The following RARB variants were observed in gnomAD, a reference collection of about 807,000 sequenced individuals.
The protein encoded by RARB is retinoic acid receptor beta, also known as HBV-activated protein.
In RARB, 17 loss-of-function variants were observed where a neutral mutation model predicts 51.9. That is an observed-to-expected ratio of 0.33 (90% CI 0.22 to 0.49). The LOEUF (loss-of-function observed/expected upper bound fraction) is 0.49. RARB is among the 20% of genes least tolerant of loss of function. RARB has a pLI of 0.99. For missense variants in RARB, 369 were observed against 550.8 expected (o/e 0.67, Z 3.30); for synonymous variants, 215 against 195.4 (o/e 1.10, Z -0.84).
chr3:24,991,598 T>A (rs1696912997), intron 2 of RARB, among the ~76,000 whole-genome samples: 2 of 152,188 alleles, frequency 1.3e-5, no homozygotes, highest in Admixed American at 1.3e-4. Context: ...GTAGTTAGTT[T>A]TCCTGATTTT....
At chr3:25,130,470 C>A (rs993341538) in intron 3 of RARB, among the ~76,000 whole-genome samples, 2 of 151,836 alleles carry the variant, frequency 1.3e-5, no homozygotes, top group African/African-American at 2.4e-5. Context: ...CAAGACTGAG[C>A]ATGTTGTCAT....
At chr3:25,291,974 TCA>T (rs1703798624) in intron 5 of RARB, among the ~76,000 whole-genome samples, 1 of 152,066 alleles carries the variant, frequency 6.6e-6, no homozygotes, top group East Asian at 1.9e-4. Flanking sequence ...ACCACTCCTC[TCA>T]CTAAAATTTT....
At chr3:24,857,444 C>T (rs1468868285) in intron 1 of RARB, among the ~76,000 whole-genome samples, 1 of 152,172 alleles carries the variant, frequency 6.6e-6, no homozygotes, top group Admixed American at 6.5e-5. Context: ...ATTTTTGATA[C>T]ACAACAAATA....
intron 5 of RARB, among the ~76,000 whole-genome samples, chr3:25,254,912 A>G (rs1357057484): frequency 6.6e-6 from 1 of 152,206 alleles, no homozygotes; most frequent in Non-Finnish European, 1.5e-5. Flanking sequence ...GCACTACCTT[A>G]GCAGCCAACT....
At chr3:24,956,795 C>T (rs76843826) in intron 2 of RARB, among the ~76,000 whole-genome samples, 119 of 152,164 alleles carry the variant, frequency 7.8e-4, no homozygotes, top group African/African-American at 2.8e-3. Flanking sequence ...AGTCAACTTC[C>T]CCAGGAAACA....
intron 5 of RARB, among the ~76,000 whole-genome samples, chr3:25,339,321 T>C (rs1705153308): frequency 1.3e-5 from 2 of 152,218 alleles, no homozygotes; most frequent in Admixed American, 6.5e-5. Flanking sequence ...GCCTCACTTG[T>C]GCCAGTCACT....
At chr3:25,545,069 C>T (rs1028846861) in intron 3 of RARB, among the ~76,000 whole-genome samples, 3 of 152,092 alleles carry the variant, frequency 2.0e-5, no homozygotes, top group African/African-American at 7.2e-5. Context: ...TCAGGTGATC[C>T]GCCTGCCTCA....
intron 2 of RARB, among the ~76,000 whole-genome samples, chr3:24,930,454 G>C (rs1695414964): frequency 6.6e-6 from 1 of 152,070 alleles, no homozygotes; most frequent in Non-Finnish European, 1.5e-5. Context: ...ACAATCATGA[G>C]ATAAAACCAA....
chr3:25,312,884 A>G (rs1049309879), intron 5 of RARB, among the ~76,000 whole-genome samples: 1 of 152,220 alleles, frequency 6.6e-6, no homozygotes, highest in Non-Finnish European at 1.5e-5. Context: ...TGTTGCCGCC[A>G]GTCCTGGTGA....
intron 1 of RARB, among the ~76,000 whole-genome samples, chr3:24,852,926 G>T (rs1702579105): frequency 6.6e-6 from 1 of 152,142 alleles, no homozygotes; most frequent in South Asian, 2.1e-4. Context: ...GGTGACAGCT[G>T]CAGAACTCTA....
intron 2 of RARB, among the ~76,000 whole-genome samples, chr3:24,925,215 T>C (rs1695291178): frequency 6.6e-6 from 1 of 152,150 alleles, no homozygotes; most frequent in African/African-American, 2.4e-5. Flanking sequence ...TATGTCATTT[T>C]CCCTTTTTAA....
chr3:25,053,067 A>T (rs1698368901), intron 2 of RARB, among the ~76,000 whole-genome samples: 1 of 152,132 alleles, frequency 6.6e-6, no homozygotes, highest in Admixed American at 6.6e-5. Context: ...AAACATTGAA[A>T]ATTGGAAAGT....
At chr3:25,257,682 C>A (rs1702899274) in intron 5 of RARB, among the ~76,000 whole-genome samples, 1 of 152,076 alleles carries the variant, frequency 6.6e-6, no homozygotes, top group Non-Finnish European at 1.5e-5. Flanking sequence ...TCCGCTCCTT[C>A]CTAGGCTCTA....
At chr3:25,278,326 G>C (rs1325838807) in intron 5 of RARB, among the ~76,000 whole-genome samples, 1 of 152,152 alleles carries the variant, frequency 6.6e-6, no homozygotes, top group African/African-American at 2.4e-5. Context: ...TAAATATGAT[G>C]CAAATATGAG....
chr3:25,565,563 A>G (rs1700459338), intron 3 of RARB, among the ~76,000 whole-genome samples: 1 of 152,184 alleles, frequency 6.6e-6, no homozygotes, highest in Non-Finnish European at 1.5e-5. Flanking sequence ...GTAGATACTC[A>G]ATAAATATTC....
intron 5 of RARB, among the ~76,000 whole-genome samples, chr3:25,308,430 G>T (rs1352216661): frequency 2.0e-5 from 3 of 149,716 alleles, no homozygotes; most frequent in Non-Finnish European, 4.4e-5. Context: ...TTTTCTCCCT[G>T]ACTGGTTTTC....
intron 4 of RARB, among the ~76,000 whole-genome samples, chr3:25,173,766 T>C (rs140303117): frequency 2.0e-5 from 3 of 152,336 alleles, no homozygotes; most frequent in Middle Eastern, 3.4e-3. Context: ...TCTGCCCTCC[T>C]GGTGAGTGCA....
intron 2 of RARB, among the ~76,000 whole-genome samples, chr3:24,878,696 A>G (rs564291084): frequency 2.6e-5 from 4 of 152,242 alleles, no homozygotes; most frequent in Admixed American, 2.6e-4. Context: ...ATATATGCCA[A>G]ATGTGTCTTG....
chr3:25,057,025 G>A (rs1199460485), intron 2 of RARB, among the ~76,000 whole-genome samples: 1 of 152,064 alleles, frequency 6.6e-6, no homozygotes, highest in African/African-American at 2.4e-5. Context: ...TCCCCAGTAT[G>A]TTTCCCATGT....
Sources: allele counts gnomAD v4.1 joint callset (sites outside exome capture counted in the v4.1 genomes callset), GRCh38; gene constraint gnomAD v4.1.1; transcripts MANE v1.5; gene names NCBI Gene and HGNC (gene_info 2026-07-23, HGNC 2026-07-21).